PCDHGA7: variants seen among roughly 807,000 people sequenced by gnomAD.
PCDHGA7 encodes protocadherin gamma-A7.
Under a neutral mutation model 58.3 loss-of-function variants are expected in PCDHGA7, and 44 were observed. The ratio of observed to expected loss-of-function variants is 0.75; its 90% CI spans 0.59 to 0.97. The LOEUF (loss-of-function observed/expected upper bound fraction) is 0.97, where lower values mean the gene tolerates loss of function less well. Ranked by LOEUF, PCDHGA7 falls within the 50% of genes least tolerant of loss-of-function variation. The probability of loss-of-function intolerance (pLI) is 0.00; values close to 1 mark genes in which losing one functional copy is unlikely to be tolerated. For synonymous variants in PCDHGA7, 516 were observed against 504.2 expected, an observed-to-expected ratio of 1.02 and a Z score of -0.31; for missense variants, 1,266 against 1,188.7, an observed-to-expected ratio of 1.06 and a Z score of -0.96.
At chr5:141,419,318 G>A in intron 1 of PCDHGA7, 1 of 1,613,992 alleles carries the variant, frequency 6.2e-7, no homozygotes, top group Non-Finnish European at 8.5e-7. Flanking sequence ...CAACGGCCGT[G>A]TCTCCTACTC....
Position 141,432,949 on chromosome 5 carries a change from C to T in PCDHGA7, c.2424+47626C>T. 1.2e-6 allele frequency: 2 copies of T among 1,614,184 alleles called. No homozygotes were observed. Among genetic ancestry groups the T allele is most frequent in the Non-Finnish European group, 1.7e-6 (2 of 1,180,040 alleles). On this transcript the variant is annotated intron_variant, in intron 1 of 3. Coordinates refer to ENST00000518325, the MANE Select transcript of PCDHGA7 (RefSeq NM_018920.4). This position sits in a 1 kb window ranked among gnomAD's most constrained non-coding sequence, Gnocchi z 6.0. Reference sequence around the variant, plus strand: ...CACGCCTGCTGCAGGCTTCAGGAGGCGGCTTGACAGGAGCGCCGGCGTCGC... The same window carrying T: ...CACGCCTGCTGCAGGCTTCAGGAGGTGGCTTGACAGGAGCGCCGGCGTCGC...
chr5:141,398,360 G>A, intron 1 of PCDHGA7: 1 of 1,413,656 alleles, frequency 7.1e-7, no homozygotes, highest in Non-Finnish European at 9.8e-7. Flanking sequence ...TTCACCGTGA[G>A]CGCAGAGAGC....
intron 1 of PCDHGA7, chr5:141,412,510 T>G (rs1007512416): frequency 6.6e-6 from 1 of 152,204 alleles, no homozygotes; most frequent in Non-Finnish European, 1.5e-5. Flanking sequence ...ATAAGTTTAA[T>G]GAATTAAGTA....
chr5:141,481,053 A>T (rs2099530801), intron 1 of PCDHGA7, among the ~76,000 whole-genome samples: 1 of 152,104 alleles, frequency 6.6e-6, no homozygotes, highest in Non-Finnish European at 1.5e-5. Flanking sequence ...GCGAGACTCC[A>T]CCTCAAAAAC....
In PCDHGA7 at chr5:141,476,529, A is replaced by G. The variant is rs752442904; in HGVS notation, c.2425-18278A>G. On this transcript the variant is annotated intron_variant, in intron 1 of 3. Coordinates refer to ENST00000518325, the MANE Select transcript of PCDHGA7 (RefSeq NM_018920.4). The surrounding 1 kb of genome is among the most constrained non-coding windows in gnomAD (Gnocchi z 7.6). ...GACAACAATCCTGCTTTCCCTACCCAGGAAATGAAATTGGAGATTAGCGAG... is the reference window on the plus strand; with the variant it reads ...GACAACAATCCTGCTTTCCCTACCCGGGAAATGAAATTGGAGATTAGCGAG... 2.8e-5 allele frequency: 46 copies of G among 1,614,198 alleles called. No individual in the cohort carries two copies. Among genetic ancestry groups the G allele is most frequent in the Non-Finnish European group, 3.8e-5 (45 of 1,180,044 alleles).
rs192741775 is a variant in PCDHGA7, at chr5:141,428,173, C to A, written c.2424+42850C>A. The A allele has an allele frequency of 3.2e-4, 487 of 1,514,722 alleles. 1 individual carries two copies. In the Middle Eastern group the frequency reaches 7.1e-3, roughly 22 times the overall value. The allele number at this position is 1,514,722 out of a possible 1,614,324, so 93.8% of individuals were successfully genotyped here. On this transcript the variant is annotated intron_variant, in intron 1 of 3. Transcript: ENST00000518325. The stretch of plus-strand genomic sequence containing the variant: ...GGAACCTGCTGGTTGCTGTGCGTGA[C>A]GGAGGACAGCCGCCGCTCTCTGCGC...
At chr5:141,395,151 A>G in intron 1 of PCDHGA7, 1 of 1,612,516 alleles carries the variant, frequency 6.2e-7, no homozygotes, top group Non-Finnish European at 8.5e-7. Flanking sequence ...AGACATGCTC[A>G]TCAGTCAGGA....
chr5:141,510,568 G>C (rs2099881703), intron 3 of PCDHGA7, among the ~76,000 whole-genome samples: 1 of 152,100 alleles, frequency 6.6e-6, no homozygotes, highest in Non-Finnish European at 1.5e-5. Context: ...CATCTACCAG[G>C]CACTATTTTA....
chr5:141,469,155 A>C (rs1342352040), intron 1 of PCDHGA7, among the ~76,000 whole-genome samples: 3 of 152,108 alleles, frequency 2.0e-5, no homozygotes, highest in Admixed American at 1.3e-4. Context: ...ACATGTCTGT[A>C]GTCCCAGCTA....
intron 1 of PCDHGA7, chr5:141,418,952 G>T: frequency 1.9e-6 from 3 of 1,614,050 alleles, no homozygotes; most frequent in Non-Finnish European, 2.5e-6. Context: ...TCCAGGAGTG[G>T]TTGTTGCCCT....
rs372994272 is a variant in PCDHGA7, at chr5:141,485,358, G to C, written c.2425-9449G>C. On this transcript the variant is annotated intron_variant, in intron 1 of 3. Coordinates refer to ENST00000518325, the MANE Select transcript of PCDHGA7 (RefSeq NM_018920.4). This position sits in a 1 kb window ranked among gnomAD's most constrained non-coding sequence, Gnocchi z 5.7. ...CTGGATACGGACAGTCTGTCAGCTC[G>C]CAGGCTGCAGGTCGCTGGAGAGGTG... is the stretch of plus-strand genomic sequence containing the variant. 3.1e-6 allele frequency: 5 copies of C among 1,613,982 alleles called. No homozygotes were observed. Among genetic ancestry groups the C allele is most frequent in the Non-Finnish European group, 4.2e-6 (5 of 1,180,014 alleles).
intron 1 of PCDHGA7, chr5:141,398,010 G>T (rs10045443): frequency 0.24 from 331,899 of 1,407,782 alleles, 42,930 homozygotes; most frequent in African/African-American, 0.51. Flanking sequence ...AAAAAGAATC[G>T]TTTCCTAAAC....
chr5:141,497,211 G>C (rs914346878), intron 2 of PCDHGA7, among the ~76,000 whole-genome samples: 19 of 28,538 alleles, frequency 6.7e-4, no homozygotes, highest in African/African-American at 2.3e-3. Flanking sequence ...GAGTGTAATG[G>C]GGGGGGGAAG....
intron 2 of PCDHGA7, among the ~76,000 whole-genome samples, chr5:141,495,968 CTGTTACTCTTTCTT>C (rs1033811907): frequency 6.6e-6 from 1 of 152,126 alleles, no homozygotes; most frequent in African/African-American, 2.4e-5. Context: ...GCCTCTTTCT[CTGTTACTCTTTCTT>C]TATCTCTCTT....
chr5:141,479,767 C>G (rs2099505975), intron 1 of PCDHGA7: 1 of 152,174 alleles, frequency 6.6e-6, no homozygotes, highest in African/African-American at 2.4e-5. Flanking sequence ...AAATTCATAT[C>G]CTTAGACAGG....
At chr5:141,404,912 C>T (rs761969782) in intron 1 of PCDHGA7, 31 of 1,613,946 alleles carry the variant, frequency 1.9e-5, no homozygotes, top group Non-Finnish European at 2.5e-5. Flanking sequence ...CCAGCCCCCT[C>T]TCTCGGCCAC....
At chr5:141,423,357 C>G in intron 1 of PCDHGA7, 1 of 1,614,214 alleles carries the variant, frequency 6.2e-7, no homozygotes. Context: ...TCTTTGTCAT[C>G]GTGCTGCTGG....
chr5:141,437,782 A>C (rs1410096491), intron 1 of PCDHGA7, among the ~76,000 whole-genome samples: 1 of 151,512 alleles, frequency 6.6e-6, no homozygotes, highest in African/African-American at 2.4e-5. Context: ...TCTGTCGCCA[A>C]GCTGGAGTGC....
At chr5:141,414,336 C>T (rs567878158) in intron 1 of PCDHGA7, 3 of 1,613,846 alleles carry the variant, frequency 1.9e-6, no homozygotes, top group East Asian at 2.2e-5. Flanking sequence ...GACAGGTAAC[C>T]TGTTCCATTT....
Sources: gnomAD v4.1 joint callset for allele counts (sites outside exome capture counted in the v4.1 genomes callset) on GRCh38, gnomAD v4.1.1 for gene constraint, Gnocchi (gnomAD v3.1) non-coding constraint, MANE v1.5 for transcripts, NCBI Gene and HGNC (gene_info 2026-07-23, HGNC 2026-07-21) for gene names.